ASAP1: variants seen among roughly 807,000 people sequenced by gnomAD.
The protein encoded by ASAP1 is ArfGAP with SH3 domain, ankyrin repeat and PH domain 1, also known as arf-GAP with SH3 domain, ANK repeat and PH domain-containing protein 1.
In ASAP1, 43 loss-of-function variants were observed where a neutral mutation model predicts 145.2. That is an observed-to-expected ratio of 0.30 (90% confidence interval 0.23 to 0.38). The LOEUF (loss-of-function observed/expected upper bound fraction) is 0.38. Among genes scored for constraint, ASAP1 ranks in the 10% least tolerant of loss-of-function variants. The pLI is 1.00. For synonymous variants in ASAP1, 546 were observed against 515.5 expected, an observed-to-expected ratio of 1.06 and a Z score of -0.80; for missense variants, 1,018 against 1,355.3, an observed-to-expected ratio of 0.75 and a Z score of 3.91.
chr8:130,131,032 C>T (rs1186265696), intron 15 of ASAP1, among the ~76,000 whole-genome samples: 1 of 152,126 alleles, frequency 6.6e-6, no homozygotes, highest in Non-Finnish European at 1.5e-5. Context: ...TGGCACGCGC[C>T]TGTAGTTCCA....
intron 3 of ASAP1, among the ~76,000 whole-genome samples, chr8:130,291,953 A>G (rs1306657991): frequency 6.6e-6 from 1 of 152,112 alleles, no homozygotes; most frequent in Non-Finnish European, 1.5e-5. Flanking sequence ...TTGTCTATTC[A>G]CTGTGAGGGA....
At chr8:130,396,492 C>G (rs1828537109) in intron 2 of ASAP1, among the ~76,000 whole-genome samples, 1 of 152,252 alleles carries the variant, frequency 6.6e-6, no homozygotes, top group Admixed American at 6.5e-5. Context: ...TGCTGTGAAA[C>G]AACCAGTTGA....
At chr8:130,273,727 A>T (rs1165292555) in intron 3 of ASAP1, among the ~76,000 whole-genome samples, 1 of 152,218 alleles carries the variant, frequency 6.6e-6, no homozygotes, top group Non-Finnish European at 1.5e-5. Context: ...CGAGGAGAAC[A>T]AAGTAGTAGT....
At chr8:130,187,394 G>GA (rs1814808575) in intron 6 of ASAP1, 109 bp from the exon 7 acceptor site, 1 of 899,198 alleles carries the variant, frequency 1.1e-6, no homozygotes, top group African/African-American at 1.7e-5. Flanking sequence ...AGGACACTGG[G>GA]AACTTCACTT....
chr8:130,117,146 T>C (rs948457314), intron 20 of ASAP1, 151 bp from the exon 21 acceptor site: 5 of 594,866 alleles, frequency 8.4e-6, no homozygotes, highest in Non-Finnish European at 1.2e-5. Flanking sequence ...CCTAGATTTA[T>C]AAGCAATACA....
intron 3 of ASAP1, among the ~76,000 whole-genome samples, chr8:130,249,960 T>C (rs1413592935): frequency 1.3e-5 from 2 of 152,206 alleles, no homozygotes; most frequent in African/African-American, 2.4e-5. Flanking sequence ...TTTCAAATCC[T>C]AGGAACATTA....
chr8:130,160,899 G>A (rs75636474), intron 11 of ASAP1: 92,492 of 808,556 alleles, frequency 0.11, 6,533 homozygotes, highest in South Asian at 0.26. Context: ...TTTATATAAT[G>A]TACACAGAAA....
At position 130,439,355 on chromosome 8, in the gene ASAP1, C is replaced by T. The variant is rs549851296; in HGVS notation, c.-28+4105G>A. Among the ~76,000 whole-genome samples the T allele has an allele frequency of 4.2e-4, 64 of 152,274 alleles. 1 individual carries two copies. In the South Asian group the frequency reaches 0.013, roughly 32 times the overall value. On this transcript the variant is annotated intron_variant, in intron 1 of 29. Transcript: ENST00000518721. ...ACCTCCAGAACTGTAAGATAGTAAA[C>T]TTGTATGATGTAAACCACTAAGTTT...
chr8:130,086,805 A>T (rs1258921172), intron 25 of ASAP1, among the ~76,000 whole-genome samples: 1 of 152,224 alleles, frequency 6.6e-6, no homozygotes, highest in East Asian at 1.9e-4. Flanking sequence ...CCCTGCCTCA[A>T]AAACAAAGAA....
rs371512778 is a variant in ASAP1 at position 130,425,334 on chromosome 8, AAT to A, written c.-28+18124_-28+18125del. 6.0e-5 allele frequency among the ~76,000 whole-genome samples: 9 copies of A among 151,146 alleles called. No homozygotes were observed. In the East Asian group the frequency reaches 1.4e-3, roughly 23 times the overall value. ...GTGACAGAGTGAGACTCCATCTCAAAATATATATATATATGTAAATAAAAATA... is the reference window on the plus strand; with the variant it reads ...GTGACAGAGTGAGACTCCATCTCAAAATATATATATATGTAAATAAAAATA... On this transcript the variant is annotated intron_variant, in intron 1 of 29. Coordinates refer to ENST00000518721, the MANE Select transcript of ASAP1 (RefSeq NM_018482.4).
At chr8:130,192,705 A>T (rs1815223761) in intron 5 of ASAP1, among the ~76,000 whole-genome samples, 1 of 152,114 alleles carries the variant, frequency 6.6e-6, no homozygotes, top group South Asian at 2.1e-4. Context: ...ACCCATTTGT[A>T]TATATGTTTG....
intron 14 of ASAP1, among the ~76,000 whole-genome samples, chr8:130,135,167 C>A (rs974039049): frequency 6.6e-6 from 1 of 152,346 alleles, no homozygotes; most frequent in East Asian, 1.9e-4. Context: ...CCCTTCATCT[C>A]TCTTGGAGAG....
rs1175800014 is a variant in ASAP1, at chr8:130,053,625, G to A, written c.*1106C>T. ...GCACCTGGATTCTACATACAGTAGG[G>A]AAACTGTGTGAAGGGTTGACTTTTA... On this transcript the variant is annotated 3_prime_UTR_variant, in exon 30 of 30. Transcript: ENST00000518721. 6.6e-6 allele frequency: 1 copy of A among 152,204 alleles called. No homozygotes were observed. Among genetic ancestry groups the A allele is most frequent in the Non-Finnish European group, 1.5e-5 (1 of 68,034 alleles). 9.4% of individuals were successfully genotyped at this position (152,204 alleles called of 1,614,324 possible). A position where few individuals can be genotyped will look rare whatever the true frequency, so the allele number is the denominator to read the frequency against.
intron 24 of ASAP1, among the ~76,000 whole-genome samples, chr8:130,111,210 C>CAAA (rs768575084): frequency 0.16 from 6,723 of 41,702 alleles, 1,253 homozygotes; most frequent in East Asian, 0.48. Flanking sequence ...TCATCTCTAC[C>CAAA]AAAAAAAAAA....
chr8:130,266,527 A>T (rs934866129), intron 3 of ASAP1, among the ~76,000 whole-genome samples: 2 of 152,094 alleles, frequency 1.3e-5, no homozygotes, highest in Non-Finnish European at 2.9e-5. Flanking sequence ...ATGCAAAACC[A>T]CTCTGGAAGG....
intron 4 of ASAP1, among the ~76,000 whole-genome samples, chr8:130,233,868 C>T (rs1221554018): frequency 6.6e-6 from 1 of 152,136 alleles, no homozygotes; most frequent in Non-Finnish European, 1.5e-5. Context: ...TTGACAAATG[C>T]ATAAACTACA....
intron 5 of ASAP1, among the ~76,000 whole-genome samples, chr8:130,205,509 A>G (rs1816155665): frequency 6.6e-6 from 1 of 151,776 alleles, no homozygotes; most frequent in Admixed American, 6.6e-5. Flanking sequence ...AAATTCAAAT[A>G]ATCAGTTATG....
chr8:130,437,505 C>CCATT (rs1175284027), intron 1 of ASAP1, among the ~76,000 whole-genome samples: 1 of 152,216 alleles, frequency 6.6e-6, no homozygotes, highest in Non-Finnish European at 1.5e-5. Flanking sequence ...CACCCACCGA[C>CCATT]CATTCCACTG....
intron 22 of ASAP1, among the ~76,000 whole-genome samples, 172 bp downstream of exon 22, chr8:130,116,506 A>C (rs899711242): frequency 2.0e-5 from 3 of 152,258 alleles, no homozygotes; most frequent in African/African-American, 7.2e-5. Context: ...TGTGGATGAC[A>C]AATTTATCAT....
Sources: allele counts gnomAD v4.1 joint callset (sites outside exome capture counted in the v4.1 genomes callset), GRCh38; gene constraint gnomAD v4.1.1; transcripts MANE v1.5; gene names NCBI Gene and HGNC (gene_info 2026-07-23, HGNC 2026-07-21).